The following ZNF804B variants were observed in gnomAD, a reference collection of about 807,000 sequenced individuals.
The protein encoded by ZNF804B is zinc finger protein 804B.
In ZNF804B, 80 loss-of-function variants were observed where a neutral mutation model predicts 101.4. That is an observed-to-expected ratio of 0.79 (90% CI 0.66 to 0.95). The LOEUF is 0.95. Among genes scored for constraint, ZNF804B ranks in the 40% least tolerant of loss-of-function variants. The probability of loss-of-function intolerance (pLI) is 0.00; values close to 1 mark genes in which losing one functional copy is unlikely to be tolerated. For missense variants in ZNF804B, 1,673 were observed against 1,561.9 expected, an observed-to-expected ratio of 1.07 and a Z score of -1.20; for synonymous variants, 622 against 558.8, an observed-to-expected ratio of 1.11 and a Z score of -1.59.
chr7:89,017,067 G>A (rs535169031), intron 1 of ZNF804B, among the ~76,000 whole-genome samples: 3 of 152,254 alleles, frequency 2.0e-5, no homozygotes, highest in African/African-American at 4.8e-5. Context: ...TTGTAAGTTA[G>A]ATTCCTAGGT....
chr7:88,844,678 A>T (rs796260597), intron 1 of ZNF804B, among the ~76,000 whole-genome samples: 14 of 152,274 alleles, frequency 9.2e-5, no homozygotes, highest in African/African-American at 2.9e-4. Flanking sequence ...CTGCAGCATG[A>T]TTCCTTCATG....
intron 2 of ZNF804B, among the ~76,000 whole-genome samples, chr7:89,290,484 A>G (rs988813562): frequency 2.6e-5 from 4 of 152,100 alleles, no homozygotes; most frequent in East Asian, 1.9e-4. Flanking sequence ...GAGCAGCCCA[A>G]TTCACTGAAA....
intron 2 of ZNF804B, among the ~76,000 whole-genome samples, chr7:89,227,666 T>G (rs1789116150): frequency 6.6e-6 from 1 of 152,086 alleles, no homozygotes; most frequent in South Asian, 2.1e-4. Flanking sequence ...AACAAGGGCC[T>G]AAAGGATATG....
At chr7:89,084,767 A>G (rs982658389) in intron 1 of ZNF804B, among the ~76,000 whole-genome samples, 3 of 151,924 alleles carry the variant, frequency 2.0e-5, no homozygotes, top group Non-Finnish European at 4.4e-5. Context: ...AAAACAAACC[A>G]TCTTCTTTAA....
intron 1 of ZNF804B, among the ~76,000 whole-genome samples, chr7:89,050,969 T>G (rs1789195056): frequency 6.9e-6 from 1 of 145,110 alleles, no homozygotes; most frequent in Non-Finnish European, 1.5e-5. Context: ...AAACCTCGTT[T>G]TATGAGTTTG....
chr7:89,094,122 G>A (rs555319383), intron 1 of ZNF804B, among the ~76,000 whole-genome samples: 2 of 152,136 alleles, frequency 1.3e-5, no homozygotes, highest in East Asian at 1.9e-4. Context: ...ATGAAGATGC[G>A]GCTAATATTT....
chr7:89,176,960 T>C (rs963647533), intron 1 of ZNF804B, among the ~76,000 whole-genome samples: 4 of 152,154 alleles, frequency 2.6e-5, no homozygotes, highest in African/African-American at 9.7e-5. Context: ...ATTATTTGAA[T>C]TTCTGTGGCA....
intron 2 of ZNF804B, among the ~76,000 whole-genome samples, chr7:89,296,701 G>A (rs965667672): frequency 6.6e-6 from 1 of 151,964 alleles, no homozygotes; most frequent in African/African-American, 2.4e-5. Flanking sequence ...AACTATTAAC[G>A]TAAGTTCTTT....
chr7:89,044,767 T>G (rs917754854), intron 1 of ZNF804B, among the ~76,000 whole-genome samples: 1 of 152,250 alleles, frequency 6.6e-6, no homozygotes, highest in East Asian at 1.9e-4. Context: ...AAGAAATTTC[T>G]ATGTGGCAAA....
At chr7:89,063,415 G>T (rs748821190) in intron 1 of ZNF804B, among the ~76,000 whole-genome samples, 2 of 152,114 alleles carry the variant, frequency 1.3e-5, no homozygotes, top group Non-Finnish European at 1.5e-5. Context: ...TAGGAACCTA[G>T]CTCAAATGTA....
chr7:88,906,500 A>C (rs1023726664), intron 1 of ZNF804B, among the ~76,000 whole-genome samples: 3 of 152,076 alleles, frequency 2.0e-5, no homozygotes, highest in Admixed American at 1.3e-4. Flanking sequence ...TTCACCCAGG[A>C]GTTATTCAGG....
intron 1 of ZNF804B, among the ~76,000 whole-genome samples, chr7:88,879,575 G>A (rs1178441053): frequency 6.6e-6 from 1 of 152,154 alleles, no homozygotes. Flanking sequence ...AAGGAAGTCA[G>A]TGTACACACA....
chr7:88,962,706 CACATATATATAT>C (rs1386450990), intron 1 of ZNF804B, among the ~76,000 whole-genome samples: 2 of 61,890 alleles, frequency 3.2e-5, no homozygotes, highest in African/African-American at 1.1e-4. Context: ...TTGTTAAACT[CACATATATATAT>C]ATATATATAT....
At chr7:88,981,121 C>T (rs537642011) in intron 1 of ZNF804B, among the ~76,000 whole-genome samples, 1 of 152,068 alleles carries the variant, frequency 6.6e-6, no homozygotes, top group African/African-American at 2.4e-5. Flanking sequence ...ACACCTGAAG[C>T]CAGCATGGTG....
At chr7:89,243,092 A>G (rs1789393495) in intron 2 of ZNF804B, among the ~76,000 whole-genome samples, 1 of 151,832 alleles carries the variant, frequency 6.6e-6, no homozygotes, top group South Asian at 2.1e-4. Context: ...TATTTTCCCT[A>G]CTTAACATTA....
chr7:89,206,837 T>C (rs1788721328), intron 1 of ZNF804B, among the ~76,000 whole-genome samples: 1 of 152,202 alleles, frequency 6.6e-6, no homozygotes, highest in Non-Finnish European at 1.5e-5. Context: ...GGTTGCTGCT[T>C]AGAAATTTCT....
chr7:88,760,589 C>T (rs1789880090), intron 1 of ZNF804B, among the ~76,000 whole-genome samples: 1 of 151,950 alleles, frequency 6.6e-6, no homozygotes, highest in Non-Finnish European at 1.5e-5. Flanking sequence ...TAATGCTCAA[C>T]TATGCACATT....
intron 1 of ZNF804B, among the ~76,000 whole-genome samples, chr7:88,974,097 A>G (rs116725976): frequency 0.023 from 3,425 of 151,384 alleles, 133 homozygotes; most frequent in African/African-American, 0.078. Flanking sequence ...TATAGGGGAT[A>G]TATAGGGATT....
intron 1 of ZNF804B, among the ~76,000 whole-genome samples, chr7:89,189,771 A>T (rs1187069185): frequency 1.3e-5 from 2 of 152,106 alleles, no homozygotes; most frequent in Non-Finnish European, 2.9e-5. Flanking sequence ...AATGGTTGGA[A>T]TTCCTCAGAT....
Sources: gnomAD v4.1 joint callset for allele counts (sites outside exome capture counted in the v4.1 genomes callset) on GRCh38, gnomAD v4.1.1 for gene constraint, MANE v1.5 for transcripts, NCBI Gene and HGNC (gene_info 2026-07-23, HGNC 2026-07-21) for gene names.